Variants in OPCML observed in about 807,000 individuals in gnomAD.
OPCML encodes the protein opioid-binding protein/cell adhesion molecule.
A neutral mutation model predicts 37.8 loss-of-function variants in OPCML; 13 were observed. The observed-to-expected ratio is 0.34, with a 90% CI of 0.22 to 0.55. OPCML has a LOEUF of 0.55. OPCML is among the 20% of genes least tolerant of loss of function. The pLI is 0.91. For missense variants in OPCML, 341 were observed against 435.6 expected, an observed-to-expected ratio of 0.78 and a Z score of 1.93; for synonymous variants, 176 against 168.8, an observed-to-expected ratio of 1.04 and a Z score of -0.33.
intron 1 of OPCML, among the ~76,000 whole-genome samples, chr11:133,134,182 C>A (rs1244010335): frequency 1.3e-5 from 2 of 152,080 alleles, no homozygotes; most frequent in Non-Finnish European, 2.9e-5. Flanking sequence ...TCAGCCTTGT[C>A]CACTTAACTA....
intron 1 of OPCML, among the ~76,000 whole-genome samples, chr11:133,431,707 C>T (rs530760965): frequency 6.6e-6 from 1 of 151,428 alleles, no homozygotes; most frequent in Non-Finnish European, 1.5e-5. Context: ...TCAGGTGATC[C>T]GCCAGCCTCA....
At chr11:133,116,752 A>AT (rs1340911566) in intron 1 of OPCML, among the ~76,000 whole-genome samples, 2 of 150,144 alleles carry the variant, frequency 1.3e-5, no homozygotes, top group Non-Finnish European at 3.0e-5. Context: ...GTTACTATTC[A>AT]TTTTTTCTTT....
intron 3 of OPCML, among the ~76,000 whole-genome samples, chr11:132,596,252 G>A (rs187889417): frequency 2.0e-5 from 3 of 152,246 alleles, no homozygotes; most frequent in African/African-American, 7.2e-5. Flanking sequence ...ATTATGCCTG[G>A]ACAAAGTACC....
intron 4 of OPCML, among the ~76,000 whole-genome samples, chr11:132,466,303 C>T (rs2096119375): frequency 6.9e-6 from 1 of 145,460 alleles, no homozygotes. Context: ...GAAACCCCGT[C>T]TCTACTAAAA....
chr11:132,614,788 A>G (rs189754110), intron 3 of OPCML, among the ~76,000 whole-genome samples: 22 of 152,350 alleles, frequency 1.4e-4, no homozygotes, highest in Middle Eastern at 6.8e-3. Flanking sequence ...GGTTGTATCT[A>G]AGAGAATTCA....
intron 1 of OPCML, among the ~76,000 whole-genome samples, chr11:133,425,762 T>C (rs1294743630): frequency 6.6e-6 from 1 of 152,212 alleles, no homozygotes; most frequent in African/African-American, 2.4e-5. Context: ...TAAAATTTTC[T>C]GTACATAACA....
intron 3 of OPCML, among the ~76,000 whole-genome samples, chr11:132,534,644 G>A (rs2096335481): frequency 6.6e-6 from 1 of 152,146 alleles, no homozygotes; most frequent in African/African-American, 2.4e-5. Flanking sequence ...AGAGGCCAGG[G>A]AACATGCCTC....
rs114140050 is a variant in OPCML at position 132,765,403 on chromosome 11, G to A, written c.147-108084C>T. ...CCCAGGAACTTTGGAAATTTAATGC[G>A]AGATTTCTAGACCTGTGACATTATC... On this transcript the variant is annotated intron_variant, in intron 2 of 7. Transcript: ENST00000524381. Among the ~76,000 whole-genome samples the A allele has an allele frequency of 4.0e-3, 608 of 152,292 alleles. 7 individuals carry two copies. The highest frequency in any genetic ancestry group is 0.014 in the African/African-American group (581 of 41,556).
At chr11:133,316,724 T>C (rs1565567956) in intron 1 of OPCML, among the ~76,000 whole-genome samples, 2 of 152,358 alleles carry the variant, frequency 1.3e-5, no homozygotes, top group Admixed American at 1.3e-4. Context: ...TTTGTGTTAA[T>C]ATGTATGGAT....
Position 132,815,691 on chromosome 11 carries a change from C to T in OPCML, c.146+127235G>A, listed in dbSNP as rs115785956. On this transcript the variant is annotated intron_variant, in intron 2 of 7. Coordinates refer to ENST00000524381, the MANE Select transcript of OPCML (RefSeq NM_001012393.5). ...TTATTGTGACCCCCCATAGGAGGGTCCCCAAAGGAGGACATGGGGTTGAGA... is the reference window on the plus strand; with the variant it reads ...TTATTGTGACCCCCCATAGGAGGGTTCCCAAAGGAGGACATGGGGTTGAGA... Among the ~76,000 whole-genome samples the T allele has an allele frequency of 5.8e-3, 876 of 152,212 alleles. 10 individuals carry two copies. The highest frequency in any genetic ancestry group is 0.034 in the Middle Eastern group (10 of 292).
chr11:132,783,504 T>A (rs75100200), intron 2 of OPCML, among the ~76,000 whole-genome samples: 3,073 of 152,256 alleles, frequency 0.02, 45 homozygotes, highest in Middle Eastern at 0.037. Flanking sequence ...TTTGCCAAAT[T>A]TTATTCTTAA....
intron 2 of OPCML, among the ~76,000 whole-genome samples, chr11:132,732,132 T>C (rs188725049): frequency 6.6e-6 from 1 of 152,290 alleles, no homozygotes; most frequent in East Asian, 1.9e-4. Flanking sequence ...GGTGGGAGAA[T>C]GTTTATAGGC....
At chr11:133,476,480 A>G (rs191157213) in intron 1 of OPCML, among the ~76,000 whole-genome samples, 67 of 152,222 alleles carry the variant, frequency 4.4e-4, no homozygotes, top group African/African-American at 1.6e-3. Context: ...CAGATTTCAA[A>G]TATTTTCCCT....
At chr11:132,745,693 G>C (rs772114733) in intron 2 of OPCML, among the ~76,000 whole-genome samples, 7 of 152,066 alleles carry the variant, frequency 4.6e-5, no homozygotes, top group Admixed American at 4.6e-4. Context: ...CTTGGAGGTG[G>C]TGCAGCCTCC....
intron 1 of OPCML, among the ~76,000 whole-genome samples, chr11:133,477,381 C>T (rs943993280): frequency 1.3e-5 from 2 of 152,188 alleles, no homozygotes; most frequent in Non-Finnish European, 2.9e-5. Flanking sequence ...AATGCCCTGG[C>T]TTCTAATCCC....
chr11:132,448,744 C>G (rs1339734199), intron 4 of OPCML, among the ~76,000 whole-genome samples: 1 of 152,190 alleles, frequency 6.6e-6, no homozygotes, highest in Admixed American at 6.5e-5. Context: ...GTGACTCATG[C>G]TAACAGTAGA....
chr11:132,695,118 TA>T (rs1264222739), intron 2 of OPCML, among the ~76,000 whole-genome samples: 1 of 152,104 alleles, frequency 6.6e-6, no homozygotes, highest in Non-Finnish European at 1.5e-5. Context: ...TTGAGACACT[TA>T]GGGGGATTAT....
chr11:132,768,237 C>G (rs1946522041), intron 2 of OPCML, among the ~76,000 whole-genome samples: 1 of 152,156 alleles, frequency 6.6e-6, no homozygotes, highest in African/African-American at 2.4e-5. Flanking sequence ...ATTCCCAGTT[C>G]CCTACAGCTC....
At chr11:132,459,908 C>T (rs146480291) in intron 4 of OPCML, among the ~76,000 whole-genome samples, 5 of 152,272 alleles carry the variant, frequency 3.3e-5, no homozygotes, top group African/African-American at 7.2e-5. Context: ...CAGTGGTTTT[C>T]GTCCAAGTGA....
Sources: gnomAD v4.1 joint callset for allele counts (sites outside exome capture counted in the v4.1 genomes callset) on GRCh38, gnomAD v4.1.1 for gene constraint, MANE v1.5 for transcripts, NCBI Gene and HGNC (gene_info 2026-07-23, HGNC 2026-07-21) for gene names.